Variants in PARD6G observed in about 807,000 individuals in gnomAD.
PARD6G encodes partitioning defective 6 homolog gamma.
PARD6G carries 7 observed loss-of-function variants against 10.7 expected under a neutral mutation model. The ratio of observed to expected loss-of-function variants is 0.66; its 90% CI spans 0.37 to 1.23. The LOEUF is 1.23. Ranked by LOEUF, PARD6G falls within the 50% of genes most tolerant of loss-of-function variation. The probability of loss-of-function intolerance (pLI) is 0.02; values close to 1 mark genes in which losing one functional copy is unlikely to be tolerated. For synonymous variants in PARD6G, 287 were observed against 269.4 expected (o/e 1.07, Z -0.64); for missense variants, 548 against 571.8 (o/e 0.96, Z 0.42).
intron 1 of PARD6G, among the ~76,000 whole-genome samples, chr18:80,244,473 T>C (rs886635684): frequency 6.6e-6 from 1 of 152,224 alleles, no homozygotes; most frequent in Admixed American, 6.5e-5. Context: ...ACTGACCATC[T>C]GTGGCAAATG....
At chr18:80,219,076 G>C (rs917770294) in intron 1 of PARD6G, among the ~76,000 whole-genome samples, 11 of 152,240 alleles carry the variant, frequency 7.2e-5, no homozygotes, top group African/African-American at 2.4e-4. Flanking sequence ...GTGATGACAG[G>C]GGGCTGCCGT....
At chr18:80,227,570 T>C (rs922925230) in intron 1 of PARD6G, among the ~76,000 whole-genome samples, 1 of 152,250 alleles carries the variant, frequency 6.6e-6, no homozygotes, top group African/African-American at 2.4e-5. Flanking sequence ...TGCTTCCAAA[T>C]GACTCAAGAA....
At chr18:80,237,741 A>G (rs1371749292) in intron 1 of PARD6G, among the ~76,000 whole-genome samples, 2 of 152,234 alleles carry the variant, frequency 1.3e-5, no homozygotes, top group African/African-American at 4.8e-5. Flanking sequence ...AAGACACATG[A>G]AAAAATGTTC....
rs934299894 is a variant in PARD6G, at chr18:80,231,209, C to T, written c.72+16068G>A. Among the ~76,000 whole-genome samples the T allele has an allele frequency of 6.6e-6, 1 of 152,178 alleles. No homozygotes were observed. Among genetic ancestry groups the T allele is most frequent in the Admixed American group, 6.5e-5 (1 of 15,268 alleles). Reference sequence around the variant, plus strand: ...ACTAAGGGCTCAGGAGACTCTAGTGCTGAGAGGTAGGGCCAGGGGAAAGGT... The same window carrying T: ...ACTAAGGGCTCAGGAGACTCTAGTGTTGAGAGGTAGGGCCAGGGGAAAGGT... On this transcript the variant is annotated intron_variant, in intron 1 of 2. Transcript: ENST00000353265. This position sits in a 1 kb window ranked among gnomAD's most constrained non-coding sequence, Gnocchi z 4.2.
chr18:80,169,523 A>T (rs1288638036), intron 2 of PARD6G: 2 of 152,206 alleles, frequency 1.3e-5, no homozygotes, highest in Non-Finnish European at 2.9e-5. Flanking sequence ...TCTGGCCTGG[A>T]CGGGAGATGG....
intron 2 of PARD6G, chr18:80,162,550 T>C (rs959366191): frequency 5.9e-6 from 1 of 169,282 alleles, no homozygotes; most frequent in Non-Finnish European, 1.5e-5. Context: ...GCACCCGGCC[T>C]CTCTGCACCT....
intron 1 of PARD6G, among the ~76,000 whole-genome samples, chr18:80,236,585 T>C (rs1041306102): frequency 6.6e-6 from 1 of 152,180 alleles, no homozygotes; most frequent in Non-Finnish European, 1.5e-5. Flanking sequence ...GATGACATGA[T>C]TGTATATCTA....
At chr18:80,203,026 G>T in intron 1 of PARD6G, 94 bp from the exon 2 acceptor site, 1 of 782,852 alleles carries the variant, frequency 1.3e-6, no homozygotes, top group Non-Finnish European at 2.2e-6. Context: ...TAACAAACAA[G>T]TATTTACATT....
chr18:80,196,670 G>T (rs1370810010), intron 2 of PARD6G, among the ~76,000 whole-genome samples: 1 of 151,980 alleles, frequency 6.6e-6, no homozygotes, highest in Non-Finnish European at 1.5e-5. Flanking sequence ...AGAGCAGGGC[G>T]GCTGCTCACA....
chr18:80,205,292 A>G lies in PARD6G; in HGVS notation c.73-2360T>C, dbSNP rs376958656. On this transcript the variant is annotated intron_variant, in intron 1 of 2. Transcript: ENST00000353265. ...CAGGGGCTCCAAAACTTTAAGACAC[A>G]CATGTAAAGCCTACAACATCAGTTT... is the stretch of plus-strand genomic sequence containing the variant. Among the ~76,000 whole-genome samples, 5 of 152,340 alleles carry G rather than the reference A, an allele frequency of 3.3e-5. No homozygotes were observed. In the East Asian group the frequency reaches 9.6e-4, roughly 29 times the overall value.
intron 1 of PARD6G, among the ~76,000 whole-genome samples, chr18:80,234,194 TG>T (rs1355183283): frequency 6.6e-6 from 1 of 152,148 alleles, no homozygotes; most frequent in Non-Finnish European, 1.5e-5. Context: ...AGCGATGTCC[TG>T]GACCTCTGGC....
intron 1 of PARD6G, among the ~76,000 whole-genome samples, chr18:80,234,788 A>T (rs1249554279): frequency 6.6e-6 from 1 of 152,170 alleles, no homozygotes; most frequent in African/African-American, 2.4e-5. Flanking sequence ...TAAAGGGATC[A>T]ATTCAACAAG....
chr18:80,160,026 C>T lies in PARD6G; in HGVS notation c.876G>A (p.Glu292=). The change falls in exon 3 of 3, where the codon GAG becomes GAA. Residue 292 remains glutamate, a synonymous_variant. Transcript: ENST00000353265. ...CGTCGTTGTCCTCATCGCTCTCCGC[C>T]TCGTCGGGGTGGAAGTTCTGCAGGA... ...PRVLQNFHPD[E]AESDEDNDVV... is the part of the protein sequence containing the mutation. 6.5e-7 allele frequency: 1 copy of T among 1,535,940 alleles called. No homozygotes were observed. Among genetic ancestry groups the T allele is most frequent in the African/African-American group, 1.4e-5 (1 of 73,240 alleles).
At chr18:80,238,251 A>T (rs1967447867) in intron 1 of PARD6G, among the ~76,000 whole-genome samples, 1 of 152,208 alleles carries the variant, frequency 6.6e-6, no homozygotes, top group Admixed American at 6.5e-5. Context: ...ACAAAAAACC[A>T]AACACTGCAT....
In PARD6G at chr18:80,184,140, A is replaced by C. The variant is rs1252235312; in HGVS notation, c.295+18570T>G. 1 of 152,200 alleles carries C rather than the reference A, an allele frequency of 6.6e-6. No individual in the cohort carries two copies. The highest frequency in any genetic ancestry group is 1.5e-5 in the Non-Finnish European group (1 of 68,048). 9.4% of individuals were successfully genotyped at this position (152,200 alleles called of 1,614,324 possible). A position where few individuals can be genotyped will look rare whatever the true frequency, so the allele number is the denominator to read the frequency against. Reference sequence around the variant, plus strand: ...CAACCAGATGAGGGGCGTTTAGGAAAACCCACAGCTGAAGTCACATTCAAT... The same window carrying C: ...CAACCAGATGAGGGGCGTTTAGGAACACCCACAGCTGAAGTCACATTCAAT... On this transcript the variant is annotated intron_variant, in intron 2 of 2. Coordinates refer to ENST00000353265, the MANE Select transcript of PARD6G (RefSeq NM_032510.4). This position sits in a 1 kb window ranked among gnomAD's most constrained non-coding sequence, Gnocchi z 4.5.
rs969190606 is a variant in PARD6G at position 80,159,914 on chromosome 18, C to T, written c.988G>A (p.Gly330Ser). ...TCCCGCTGCAGCCGCTGCGCCAGGC[C>T]CGCGCCATTGACCCGGGAGAGGCTG... The part of the protein sequence containing the change: ...AGSLSRVNGA[G>S]LAQRLQRDLA... The change falls in exon 3 of 3, where the codon GGC (glycine) becomes AGC (serine). Residue 330 changes from glycine (G) to serine (S), a missense_variant. Around this residue, in one of 2 missense-constraint regions of PARD6G, gnomAD observed 313 missense variants for 279.9 expected, o/e 1.12. Transcript: ENST00000353265. 2 of 1,515,434 alleles carry T rather than the reference C, an allele frequency of 1.3e-6. No individual in the cohort carries two copies. Among genetic ancestry groups the T allele is most frequent in the East Asian group, 2.6e-5 (1 of 38,212 alleles). The allele number at this position is 1,515,434 out of a possible 1,614,324, so 93.9% of individuals were successfully genotyped here. A position where few individuals can be genotyped will look rare whatever the true frequency, so the allele number is the denominator to read the frequency against.
At chr18:80,212,758 G>A (rs1372201350) in intron 1 of PARD6G, among the ~76,000 whole-genome samples, 3 of 151,968 alleles carry the variant, frequency 2.0e-5, no homozygotes, top group Admixed American at 6.6e-5. Flanking sequence ...GGTGGCACAC[G>A]CCTGTAGTCC....
intron 1 of PARD6G, among the ~76,000 whole-genome samples, chr18:80,204,248 A>G (rs756800825): frequency 6.6e-6 from 1 of 152,218 alleles, no homozygotes; most frequent in African/African-American, 2.4e-5. Flanking sequence ...ACTAGTCATT[A>G]TATCATCTAG....
chr18:80,243,227 T>G (rs866587451), intron 1 of PARD6G, among the ~76,000 whole-genome samples: 1 of 152,308 alleles, frequency 6.6e-6, no homozygotes, highest in South Asian at 2.1e-4. Context: ...TACTGGTTAG[T>G]CATGGTTTAG....
Sources: gnomAD v4.1 joint callset for allele counts (sites outside exome capture counted in the v4.1 genomes callset) on GRCh38, gnomAD v4.1.1 for gene constraint, gnomAD v4.1.1 regional missense constraint, Gnocchi (gnomAD v3.1) non-coding constraint, MANE v1.5 for transcripts, NCBI Gene and HGNC (gene_info 2026-07-23, HGNC 2026-07-21) for gene names.